RETREG1: variants seen among roughly 807,000 people sequenced by gnomAD.
RETREG1 encodes the protein reticulophagy regulator 1, also known as family with sequence similarity 134 member B.
A neutral mutation model predicts 54.8 loss-of-function variants in RETREG1; 44 were observed. That is an observed-to-expected ratio of 0.80 (90% confidence interval 0.63 to 1.03). The LOEUF (loss-of-function observed/expected upper bound fraction) is 1.03. RETREG1 is among the 50% of genes least tolerant of loss of function. RETREG1 has a pLI of 0.00. For synonymous variants in RETREG1, 217 were observed against 238.5 expected (o/e 0.91, Z 0.83); for missense variants, 554 against 605.1 (o/e 0.92, Z 0.89).
intron 2 of RETREG1, among the ~76,000 whole-genome samples, chr5:16,571,138 G>T (rs1742162591): frequency 6.6e-6 from 1 of 152,182 alleles, no homozygotes; most frequent in African/African-American, 2.4e-5. Flanking sequence ...GACATCGCTG[G>T]CTTCTAGTTG....
At position 16,577,032 on chromosome 5, in the gene RETREG1, T is replaced by TGCAC. The variant is rs1445236749; in HGVS notation, c.321-4934_321-4931dup. 2.2e-4 allele frequency among the ~76,000 whole-genome samples: 22 copies of TGCAC among 98,934 alleles called. No homozygotes were observed. The Middle Eastern group carries it at 0.03, about 135-fold the overall frequency. The allele number at this position is 98,934 out of a possible 152,430, so 64.9% of individuals were successfully genotyped here. A position where few individuals can be genotyped will look rare whatever the true frequency, so the allele number is the denominator to read the frequency against. ...TCATATTTCCCCACTCATTTTTGTG[T>TGCAC]GCACGCACACACACACACACACACA... On this transcript the variant is annotated intron_variant, in intron 1 of 8. Coordinates refer to ENST00000306320, the MANE Select transcript of RETREG1 (RefSeq NM_001034850.3).
intron 3 of RETREG1, among the ~76,000 whole-genome samples, chr5:16,509,959 A>C (rs766659477): frequency 2.0e-5 from 3 of 152,202 alleles, no homozygotes; most frequent in Admixed American, 6.5e-5. Context: ...GTGCCACTGC[A>C]CTCCAGCCTG....
At chr5:16,574,511 T>G (rs902688693) in intron 1 of RETREG1, among the ~76,000 whole-genome samples, 1 of 152,174 alleles carries the variant, frequency 6.6e-6, no homozygotes, top group Non-Finnish European at 1.5e-5. Context: ...GGTGACGTGG[T>G]GGGTAGAGCC....
chr5:16,540,836 C>T (rs1579665060), intron 3 of RETREG1, among the ~76,000 whole-genome samples: 1 of 151,650 alleles, frequency 6.6e-6, no homozygotes, highest in African/African-American at 2.4e-5. Flanking sequence ...TGGCTAATTT[C>T]TCCCATGCAT....
In RETREG1 at chr5:16,474,063, C is replaced by T. The variant is rs1449629370; in HGVS notation, c.*678G>A. The T allele has an allele frequency of 6.5e-6, 1 of 152,814 alleles. No homozygotes were observed. Among genetic ancestry groups the T allele is most frequent in the Non-Finnish European group, 1.5e-5 (1 of 68,612 alleles). 9.5% of individuals were successfully genotyped at this position (152,814 alleles called of 1,614,324 possible). A position where few individuals can be genotyped will look rare whatever the true frequency, so the allele number is the denominator to read the frequency against. ...CTTGCTTTCTATGGGTTAATACCAC[C>T]CACTGCAAGACTAGAGATGGCAGTC... is the stretch of plus-strand genomic sequence containing the variant. On this transcript the variant is annotated 3_prime_UTR_variant, in exon 9 of 9. Transcript: ENST00000306320.
At chr5:16,616,296 C>T in intron 1 of RETREG1, 1 of 255,728 alleles carries the variant, frequency 3.9e-6, no homozygotes, top group Non-Finnish European at 7.4e-6. Flanking sequence ...AGCACGTTTG[C>T]TCCGGCAAGC....
At chr5:16,612,632 C>G (rs1743380181) in intron 1 of RETREG1, among the ~76,000 whole-genome samples, 1 of 152,212 alleles carries the variant, frequency 6.6e-6, no homozygotes, top group South Asian at 2.1e-4. Context: ...AACTATGGGA[C>G]TGTTACCCAA....
chr5:16,590,670 T>C (rs1269390989), intron 1 of RETREG1, among the ~76,000 whole-genome samples: 1 of 152,124 alleles, frequency 6.6e-6, no homozygotes, highest in African/African-American at 2.4e-5. Context: ...GTGATGGCAT[T>C]ACCCAATTTT....
intron 1 of RETREG1, among the ~76,000 whole-genome samples, chr5:16,614,348 A>G (rs1220173813): frequency 6.6e-6 from 1 of 151,940 alleles, no homozygotes; most frequent in Non-Finnish European, 1.5e-5. Context: ...GGCCTACTTG[A>G]AAAAATAGAC....
chr5:16,554,953 G>T (rs1005105436), intron 3 of RETREG1, among the ~76,000 whole-genome samples: 1 of 152,078 alleles, frequency 6.6e-6, no homozygotes, highest in Non-Finnish European at 1.5e-5. Context: ...TCAAGTTCTT[G>T]TTCAAAAATC....
chr5:16,488,814 GTGGCTCACGC>G (rs1739125516), intron 3 of RETREG1, among the ~76,000 whole-genome samples: 1 of 152,094 alleles, frequency 6.6e-6, no homozygotes. Context: ...GCCGGGCGTG[GTGGCTCACGC>G]CTATAATCCC....
chr5:16,607,973 G>A (rs1342334149), intron 1 of RETREG1, among the ~76,000 whole-genome samples: 2 of 151,798 alleles, frequency 1.3e-5, no homozygotes, highest in Non-Finnish European at 2.9e-5. Context: ...TCTACCTCCC[G>A]AAATCAAGTG....
chr5:16,512,172 G>T (rs1740198439), intron 3 of RETREG1, among the ~76,000 whole-genome samples: 1 of 152,168 alleles, frequency 6.6e-6, no homozygotes, highest in African/African-American at 2.4e-5. Context: ...AGAACTTAAG[G>T]ACTCACAGAA....
At chr5:16,485,032 TATCTGTGGCAAA>T (rs1483642791) in intron 3 of RETREG1, among the ~76,000 whole-genome samples, 1 of 152,068 alleles carries the variant, frequency 6.6e-6, no homozygotes. Flanking sequence ...AAGAAGCAGA[TATCTGTGGCAAA>T]ATCTTGCCAC....
At chr5:16,534,406 G>A (rs780520870) in intron 3 of RETREG1, among the ~76,000 whole-genome samples, 1 of 152,224 alleles carries the variant, frequency 6.6e-6, no homozygotes, top group Non-Finnish European at 1.5e-5. Flanking sequence ...CCCACTGCCT[G>A]GAGCAGTGTG....
At chr5:16,555,458 TAC>T (rs1202269738) in intron 3 of RETREG1, among the ~76,000 whole-genome samples, 2 of 152,224 alleles carry the variant, frequency 1.3e-5, no homozygotes, top group African/African-American at 4.8e-5. Context: ...GGCCTGTTTT[TAC>T]ATTTTTTCCC....
chr5:16,525,266 A>G (rs1326467428), intron 3 of RETREG1, among the ~76,000 whole-genome samples: 1 of 100,824 alleles, frequency 9.9e-6, no homozygotes, highest in Non-Finnish European at 2.1e-5. Flanking sequence ...TGGCCCCAAC[A>G]GGTGGATGTG....
chr5:16,589,976 A>G (rs1742716652), intron 1 of RETREG1, among the ~76,000 whole-genome samples: 1 of 152,192 alleles, frequency 6.6e-6, no homozygotes, highest in Non-Finnish European at 1.5e-5. Context: ...AGAAGAAACA[A>G]ACAACTAAGA....
intron 3 of RETREG1, among the ~76,000 whole-genome samples, chr5:16,552,986 C>A (rs936900118): frequency 6.6e-6 from 1 of 152,194 alleles, no homozygotes; most frequent in Non-Finnish European, 1.5e-5. Flanking sequence ...AAAAAACCTC[C>A]CAAGAACTCA....
Sources: gnomAD v4.1 joint callset for allele counts (sites outside exome capture counted in the v4.1 genomes callset) on GRCh38, gnomAD v4.1.1 for gene constraint, MANE v1.5 for transcripts, NCBI Gene and HGNC (gene_info 2026-07-23, HGNC 2026-07-21) for gene names.